The following PIEZO2 variants were observed in gnomAD, a reference collection of about 807,000 sequenced individuals.
PIEZO2 encodes the protein piezo type mechanosensitive ion channel component 2.
A neutral mutation model predicts 337.3 loss-of-function variants in PIEZO2; 172 were observed. That is an observed-to-expected ratio of 0.51 (90% CI 0.45 to 0.58). The LOEUF (loss-of-function observed/expected upper bound fraction) is 0.58, where lower values mean the gene tolerates loss of function less well. Among genes scored for constraint, PIEZO2 ranks in the 20% least tolerant of loss-of-function variants. The pLI, the probability that PIEZO2 is intolerant of heterozygous loss-of-function variation, is 0.00. For synonymous variants in PIEZO2, 1,251 were observed against 1,228.5 expected (o/e 1.02, Z -0.38); for missense variants, 3,028 against 3,391.3 (o/e 0.89, Z 2.66).
intron 7 of PIEZO2, among the ~76,000 whole-genome samples, chr18:10,842,899 A>C (rs537855885): frequency 6.6e-6 from 1 of 152,232 alleles, no homozygotes; most frequent in East Asian, 1.9e-4. Flanking sequence ...TCTTAGCAGA[A>C]AGCTTTTGTA....
At chr18:11,062,630 A>G (rs948963404) in intron 2 of PIEZO2, among the ~76,000 whole-genome samples, 4 of 152,256 alleles carry the variant, frequency 2.6e-5, no homozygotes, top group Non-Finnish European at 5.9e-5. Context: ...AAAAGAGGAC[A>G]TTTATGCAGC....
At chr18:10,891,149 C>A (rs184689871) in intron 4 of PIEZO2, among the ~76,000 whole-genome samples, 1 of 152,132 alleles carries the variant, frequency 6.6e-6, no homozygotes, top group East Asian at 1.9e-4. Context: ...CATGGTGAAA[C>A]CCTGTCTCTA....
rs112562776 is a variant in PIEZO2, at chr18:11,014,062, G to A, written c.161-34402C>T. On this transcript the variant is annotated intron_variant, in intron 2 of 55. Coordinates refer to ENST00000674853, the MANE Select transcript of PIEZO2 (RefSeq NM_001378183.1). ...CATGAATGTAGACACTGTCCACCCC[G>A]TCCTCTGGGAAACCTGCAGCATCTG... Among the ~76,000 whole-genome samples, 607 of 152,342 alleles carry A rather than the reference G, an allele frequency of 4.0e-3. 11 individuals carry two copies. The highest frequency in any genetic ancestry group is 0.021 in the Admixed American group (320 of 15,300).
Position 10,712,671 on chromosome 18 carries a change from A to G in PIEZO2, c.5423+2093T>C, listed in dbSNP as rs561627861. Among the ~76,000 whole-genome samples the G allele has an allele frequency of 5.3e-4, 81 of 152,354 alleles. 1 individual carries two copies. The highest frequency in any genetic ancestry group is 1.8e-3 in the African/African-American group (73 of 41,584). On this transcript the variant is annotated intron_variant, in intron 39 of 55. Coordinates refer to ENST00000674853, the MANE Select transcript of PIEZO2 (RefSeq NM_001378183.1). ...ACACTCACCAGTGGAAGGATATGAT[A>G]TTAAATGTTCTCTTTGTAACTTTGA...
intron 2 of PIEZO2, among the ~76,000 whole-genome samples, chr18:11,037,242 G>A (rs1166739064): frequency 2.0e-5 from 3 of 152,138 alleles, no homozygotes; most frequent in African/African-American, 7.2e-5. Context: ...TATGGAATTC[G>A]TTTTGCAACA....
chr18:10,851,140 CTTTT>C (rs1354483549), intron 7 of PIEZO2, among the ~76,000 whole-genome samples: 1 of 139,768 alleles, frequency 7.2e-6, no homozygotes, highest in Non-Finnish European at 1.5e-5. Flanking sequence ...CTTTTCTTTT[CTTTT>C]TTTCTTTTAT....
At position 10,888,280 on chromosome 18, in the gene PIEZO2, G is replaced by A. The variant is rs2144912943; in HGVS notation, c.330-16865C>T. Among the ~76,000 whole-genome samples, 1 of 152,266 alleles carries A rather than the reference G, an allele frequency of 6.6e-6. No homozygotes were observed. Among genetic ancestry groups the A allele is most frequent in the Non-Finnish European group, 1.5e-5 (1 of 68,020 alleles). On this transcript the variant is annotated intron_variant, in intron 4 of 55. Coordinates refer to ENST00000674853, the MANE Select transcript of PIEZO2 (RefSeq NM_001378183.1). This position sits in a 1 kb window ranked among gnomAD's most constrained non-coding sequence, Gnocchi z 4.1. ...TATTTGAAACTACAATTCTGATGCT[G>A]AAATTGCCCCTGAGTTGTGAGGGCC...
rs1459240170 is a variant in PIEZO2 at position 10,952,424 on chromosome 18, C to T, written c.286+27111G>A. 6.6e-6 allele frequency among the ~76,000 whole-genome samples: 1 copy of T among 152,182 alleles called. No homozygotes were observed. Among genetic ancestry groups the T allele is most frequent in the East Asian group, 1.9e-4 (1 of 5,198 alleles). On this transcript the variant is annotated intron_variant, in intron 3 of 55. Coordinates refer to ENST00000674853, the MANE Select transcript of PIEZO2 (RefSeq NM_001378183.1). The surrounding 1 kb of genome is among the most constrained non-coding windows in gnomAD (Gnocchi z 4.1). ...CCCATGGTGAGCAATGATGCACTTT[C>T]TACCCTTACAGTTTCACTAATTATT... is the stretch of plus-strand genomic sequence containing the variant.
chr18:10,960,117 C>G (rs1468554003), intron 3 of PIEZO2, among the ~76,000 whole-genome samples: 1 of 152,092 alleles, frequency 6.6e-6, no homozygotes, highest in South Asian at 2.1e-4. Flanking sequence ...CTTGATCTGA[C>G]AGAAATGGGA....
At position 10,815,624 on chromosome 18, in the gene PIEZO2, T is replaced by A. The variant is rs118006749; in HGVS notation, c.918-8350A>T. Among the ~76,000 whole-genome samples the A allele has an allele frequency of 1.1e-4, 16 of 152,310 alleles. No homozygotes were observed. The highest frequency in any genetic ancestry group is 2.4e-4 in the Non-Finnish European group (16 of 68,032). On this transcript the variant is annotated intron_variant, in intron 7 of 55. Coordinates refer to ENST00000674853, the MANE Select transcript of PIEZO2 (RefSeq NM_001378183.1). This position sits in a 1 kb window ranked among gnomAD's most constrained non-coding sequence, Gnocchi z 4.1. ...TTTCTTCCTTGTATAAAAGTATAGA[T>A]GTATATAGTTCAAGCTAGAATGATA...
chr18:10,757,761 C>T (rs183582572), intron 27 of PIEZO2, among the ~76,000 whole-genome samples: 123 of 152,006 alleles, frequency 8.1e-4, no homozygotes, highest in Admixed American at 1.2e-3. Flanking sequence ...CATAAAGAGG[C>T]GGTTTACATT....
At chr18:10,765,424 G>A (rs953222283) in intron 21 of PIEZO2, among the ~76,000 whole-genome samples, 12 of 152,264 alleles carry the variant, frequency 7.9e-5, no homozygotes, top group African/African-American at 2.9e-4. Flanking sequence ...CTTATACCAC[G>A]TTACGGTGAG....
intron 3 of PIEZO2, among the ~76,000 whole-genome samples, chr18:10,928,792 G>C (rs146622706): frequency 1.1e-4 from 16 of 152,162 alleles, no homozygotes; most frequent in African/African-American, 3.9e-4. Flanking sequence ...CTATTTTACC[G>C]GCCAAGACAT....
In PIEZO2 at chr18:10,954,115, A is replaced by C. The variant is rs113315931; in HGVS notation, c.286+25420T>G. On this transcript the variant is annotated intron_variant, in intron 3 of 55. Coordinates refer to ENST00000674853, the MANE Select transcript of PIEZO2 (RefSeq NM_001378183.1). The surrounding 1 kb of genome is among the most constrained non-coding windows in gnomAD (Gnocchi z 4.2). ...ACTCAGTCTTGAAATCAGATAGTGT[A>C]AATCTTCAAATTTTTATTTTTCATT... Among the ~76,000 whole-genome samples, 72 of 152,364 alleles carry C rather than the reference A, an allele frequency of 4.7e-4. No individual in the cohort carries two copies. Among genetic ancestry groups the C allele is most frequent in the African/African-American group, 1.7e-3 (69 of 41,592 alleles).
intron 2 of PIEZO2, among the ~76,000 whole-genome samples, chr18:11,011,768 C>T (rs183764772): frequency 3.5e-4 from 53 of 152,276 alleles, no homozygotes; most frequent in Middle Eastern, 6.8e-3. Flanking sequence ...CCTTGATGTT[C>T]AGTTCCCAAG....
intron 7 of PIEZO2, among the ~76,000 whole-genome samples, chr18:10,831,081 G>T (rs2040829180): frequency 6.6e-6 from 1 of 152,176 alleles, no homozygotes. Flanking sequence ...TGGTGGGAAT[G>T]TCAATTAGCA....
intron 27 of PIEZO2, among the ~76,000 whole-genome samples, chr18:10,754,250 C>A (rs2037752384): frequency 6.6e-6 from 1 of 152,246 alleles, no homozygotes; most frequent in Non-Finnish European, 1.5e-5. Context: ...AATAGAGAGA[C>A]TGAACCCTGG....
chr18:10,868,230 A>T (rs545575381), intron 5 of PIEZO2, among the ~76,000 whole-genome samples: 192 of 152,364 alleles, frequency 1.3e-3, no homozygotes, highest in African/African-American at 4.4e-3. Context: ...GAGATAAATG[A>T]AAGAAGAAAT....
chr18:11,101,489 A>G lies in PIEZO2; in HGVS notation c.65-35267T>C, dbSNP rs576006342. ...TACAAGAGACCATCTATTATAAAAC[A>G]CAACATTATTTTTAAGCACCAGTGA... On this transcript the variant is annotated intron_variant, in intron 1 of 55. Transcript: ENST00000674853. The surrounding 1 kb of genome is among the most constrained non-coding windows in gnomAD (Gnocchi z 4.4). Among the ~76,000 whole-genome samples, 47 of 152,328 alleles carry G rather than the reference A, an allele frequency of 3.1e-4. No homozygotes were observed. The highest frequency in any genetic ancestry group is 1.1e-3 in the African/African-American group (45 of 41,552).
Sources: allele counts gnomAD v4.1 joint callset (sites outside exome capture counted in the v4.1 genomes callset), GRCh38; gene constraint gnomAD v4.1.1; non-coding constraint Gnocchi (gnomAD v3.1); transcripts MANE v1.5; gene names NCBI Gene and HGNC (gene_info 2026-07-23, HGNC 2026-07-21).